The following H6PD variants were observed in gnomAD, a reference collection of about 807,000 sequenced individuals.
H6PD encodes the protein hexose-6-phosphate dehydrogenase/glucose 1-dehydrogenase.
A neutral mutation model predicts 61.2 loss-of-function variants in H6PD; 48 were observed. The observed-to-expected ratio is 0.78, with a 90% CI of 0.62 to 1.00. The LOEUF (loss-of-function observed/expected upper bound fraction) is 1.00. Among genes scored for constraint, H6PD ranks in the 50% least tolerant of loss-of-function variants. The pLI, the probability that H6PD is intolerant of heterozygous loss-of-function variation, is 0.00. For synonymous variants in H6PD, 480 were observed against 457.9 expected, an observed-to-expected ratio of 1.05 and a Z score of -0.62; for missense variants, 1,093 against 1,065.0, an observed-to-expected ratio of 1.03 and a Z score of -0.37.
Position 9,242,346 on chromosome 1 carries a change from T to TA in H6PD, c.-10-2568dup, listed in dbSNP as rs35486518. Among the ~76,000 whole-genome samples, 1,081 of 147,626 alleles carry TA rather than the reference T, an allele frequency of 7.3e-3. 11 individuals carry two copies. Among genetic ancestry groups the TA allele is most frequent in the African/African-American group, 0.023 (933 of 40,344 alleles). On this transcript the variant is annotated intron_variant, in intron 1 of 4. Coordinates refer to ENST00000377403, the MANE Select transcript of H6PD (RefSeq NM_004285.4). ...AAACACTGTAAAGGTTAAAAAAACA[T>TA]AAAAAAAAAAATACCCACACATACT...
intron 1 of H6PD, among the ~76,000 whole-genome samples, chr1:9,236,385 G>A (rs1442340405): frequency 6.6e-6 from 1 of 152,188 alleles, no homozygotes; most frequent in East Asian, 1.9e-4. Context: ...TTTCTGGCCG[G>A]GCCCAGTGGC....
intron 3 of H6PD, among the ~76,000 whole-genome samples, chr1:9,258,308 T>C (rs940500565): frequency 6.6e-6 from 1 of 152,054 alleles, no homozygotes; most frequent in African/African-American, 2.4e-5. Context: ...TACGTTGTTA[T>C]ACCGATATTG....
At chr1:9,239,982 C>T in intron 1 of H6PD, 1 of 1,231,586 alleles carries the variant, frequency 8.1e-7, no homozygotes, top group Non-Finnish European at 1.0e-6. Flanking sequence ...ACCCCCTGGC[C>T]CCCACCTTCT....
chr1:9,247,722 G>C (rs539467837), intron 3 of H6PD, among the ~76,000 whole-genome samples: 1 of 152,310 alleles, frequency 6.6e-6, no homozygotes, highest in Admixed American at 6.5e-5. Flanking sequence ...ATACACCCGG[G>C]AGGCGGGGGC....
intron 1 of H6PD, among the ~76,000 whole-genome samples, chr1:9,240,257 C>T (rs965892200): frequency 1.3e-5 from 2 of 152,200 alleles, no homozygotes; most frequent in African/African-American, 2.4e-5. Context: ...CCTCCACACA[C>T]GTAAGTCATA....
chr1:9,251,717 T>G (rs1418919036), intron 3 of H6PD, among the ~76,000 whole-genome samples: 1 of 151,940 alleles, frequency 6.6e-6, no homozygotes. Flanking sequence ...TCCCGCCCCC[T>G]CTGCAGAGCT....
In H6PD at chr1:9,268,437, G is replaced by C. The variant is rs932161758; in HGVS notation, c.*3568G>C. On this transcript the variant is annotated 3_prime_UTR_variant, in exon 5 of 5. Coordinates refer to ENST00000377403, the MANE Select transcript of H6PD (RefSeq NM_004285.4). ...CTGGTGGGGACCAATGATTCCATCC[G>C]CATGGAAGCCCACGTGTGCACTTAG... 6.6e-6 allele frequency: 1 copy of C among 152,150 alleles called. No individual in the cohort carries two copies. Among genetic ancestry groups the C allele is most frequent in the Non-Finnish European group, 1.5e-5 (1 of 68,036 alleles). The allele number at this position is 152,150 out of a possible 1,614,324, so 9.4% of individuals were successfully genotyped here. A position where few individuals can be genotyped will look rare whatever the true frequency, so the allele number is the denominator to read the frequency against.
intron 3 of H6PD, among the ~76,000 whole-genome samples, chr1:9,256,294 T>C (rs914835203): frequency 2.0e-5 from 3 of 152,232 alleles, no homozygotes; most frequent in African/African-American, 4.8e-5. Context: ...CTTGGCATTT[T>C]GGTTGGCACA....
At chr1:9,243,533 C>T (rs1024664633) in intron 1 of H6PD, among the ~76,000 whole-genome samples, 14 of 152,182 alleles carry the variant, frequency 9.2e-5, no homozygotes, top group African/African-American at 2.7e-4. Context: ...CTTTCCCCCT[C>T]ACTTCCTTCT....
Position 9,263,780 on chromosome 1 carries a change from A to T in H6PD, c.1287A>T (p.Glu429Asp), listed in dbSNP as rs761795776. The T allele has an allele frequency of 6.2e-7, 1 of 1,613,942 alleles. No individual in the cohort carries two copies. Among genetic ancestry groups the T allele is most frequent in the African/African-American group, 1.3e-5 (1 of 75,064 alleles). The stretch of plus-strand genomic sequence containing the variant: ...CCTCCCTGCCCTCCAGCTGGAAGGA[A>T]ATGGAGGGACCACCTGGGCTCCGCC... Reference protein sequence around the residue: ...FRPSLPSSWKEMEGPPGLRLF... With the variant: ...FRPSLPSSWKDMEGPPGLRLF... Residue 429 changes from glutamate to aspartate, a missense_variant, in exon 5 of 5, where the codon GAA becomes GAT. Transcript: ENST00000377403.
chr1:9,252,944 A>T (rs1361881927), intron 3 of H6PD, among the ~76,000 whole-genome samples: 1 of 152,132 alleles, frequency 6.6e-6, no homozygotes, highest in Non-Finnish European at 1.5e-5. Context: ...CTTTTCATAT[A>T]CTGATGGGTT....
At position 9,263,663 on chromosome 1, in the gene H6PD, GAGCCAGTGCCT is replaced by G; in HGVS notation, c.1171_1181del (p.Ser391AlafsTer102). The G allele has an allele frequency of 6.2e-7, 1 of 1,614,176 alleles. No individual in the cohort carries two copies. Among genetic ancestry groups the G allele is most frequent in the South Asian group, 1.1e-5 (1 of 91,086 alleles). ...GCGAAAAGCACTGGGCCGCGGCGCA[GAGCCAGTGCCT>G]GCCCCGGCAGCTCGTCTTCCACATC... On this transcript the variant is annotated frameshift_variant, in exon 5 of 5. Transcript: ENST00000377403. LOFTEE classifies it high-confidence loss of function.
intron 3 of H6PD, among the ~76,000 whole-genome samples, chr1:9,259,948 T>G (rs558118688): frequency 3.4e-4 from 51 of 152,218 alleles, no homozygotes; most frequent in Non-Finnish European, 6.5e-4. Flanking sequence ...GCTGGTGGTG[T>G]TATGTTGCTG....
intron 4 of H6PD, among the ~76,000 whole-genome samples, chr1:9,263,201 G>A (rs745728627): frequency 2.8e-4 from 42 of 152,256 alleles, no homozygotes; most frequent in East Asian, 1.7e-3. Context: ...ACTGTGGGGC[G>A]TCCTTTAGAG....
Position 9,263,379 on chromosome 1 carries a change from G to A in H6PD, c.1016-130G>A. 3 of 850,640 alleles carry A rather than the reference G, an allele frequency of 3.5e-6. No homozygotes were observed. In the Admixed American group the frequency reaches 5.1e-5, roughly 15 times the overall value. The allele number at this position is 850,640 out of a possible 1,614,324, so 52.7% of individuals were successfully genotyped here. A position where few individuals can be genotyped will look rare whatever the true frequency, so the allele number is the denominator to read the frequency against. The stretch of plus-strand genomic sequence containing the variant: ...ATGGAAGAGATGCCAGGCGAGGGGT[G>A]AGCATGGCAAGGCGAGGGGCTTCCC... On this transcript the variant is annotated intron_variant, in intron 4 of 4. Transcript: ENST00000377403.
At chr1:9,253,824 T>C (rs1472364353) in intron 3 of H6PD, among the ~76,000 whole-genome samples, 1 of 152,226 alleles carries the variant, frequency 6.6e-6, no homozygotes, top group East Asian at 1.9e-4. Context: ...GGAACAGTGC[T>C]CTCTGAGTGA....
At chr1:9,243,494 A>G (rs1182646479) in intron 1 of H6PD, among the ~76,000 whole-genome samples, 1 of 152,098 alleles carries the variant, frequency 6.6e-6, no homozygotes, top group South Asian at 2.1e-4. Flanking sequence ...ATTTCTGACT[A>G]GTTCCCATGG....
Position 9,262,239 on chromosome 1 carries a change from T to C in H6PD, c.926T>C (p.Val309Ala). The C allele has an allele frequency of 1.9e-6, 3 of 1,613,430 alleles. No homozygotes were observed. The highest frequency in any genetic ancestry group is 2.5e-6 in the Non-Finnish European group (3 of 1,179,674). The change falls in exon 4 of 5, where the codon GTC becomes GCC. Residue 309 changes from valine to alanine, a missense_variant. Coordinates refer to ENST00000377403, the MANE Select transcript of H6PD (RefSeq NM_004285.4). Reference sequence around the variant, plus strand: ...CGGGGCCTGCAGAGGGGCAGTGCCGTCGTGGGCCAGTACCAGTCTTACAGT... The same window carrying C: ...CGGGGCCTGCAGAGGGGCAGTGCCGCCGTGGGCCAGTACCAGTCTTACAGT... ...ALRGLQRGSA[V>A]VGQYQSYSEQ...
chr1:9,235,289 A>G (rs1317230441), intron 1 of H6PD, among the ~76,000 whole-genome samples: 4 of 152,172 alleles, frequency 2.6e-5, no homozygotes, highest in South Asian at 2.1e-4. Flanking sequence ...ACTGAGTTCC[A>G]GGAGAGGGGG....
Sources: gnomAD v4.1 joint callset for allele counts (sites outside exome capture counted in the v4.1 genomes callset) on GRCh38, gnomAD v4.1.1 for gene constraint, MANE v1.5 for transcripts, NCBI Gene and HGNC (gene_info 2026-07-23, HGNC 2026-07-21) for gene names.